The following ASAP1 variants were observed in gnomAD, a reference collection of about 807,000 sequenced individuals.
The protein encoded by ASAP1 is ArfGAP with SH3 domain, ankyrin repeat and PH domain 1.
In ASAP1, 43 loss-of-function variants were observed where a neutral mutation model predicts 145.2. The ratio of observed to expected loss-of-function variants is 0.30; its 90% CI spans 0.23 to 0.38. The LOEUF (loss-of-function observed/expected upper bound fraction) is 0.38. ASAP1 is among the 10% of genes least tolerant of loss of function. The pLI is 1.00. For synonymous variants in ASAP1, 546 were observed against 515.5 expected, an observed-to-expected ratio of 1.06 and a Z score of -0.80; for missense variants, 1,018 against 1,355.3, an observed-to-expected ratio of 0.75 and a Z score of 3.91.
intron 7 of ASAP1, among the ~76,000 whole-genome samples, chr8:130,186,156 C>T (rs1161297050): frequency 6.6e-6 from 1 of 152,112 alleles, no homozygotes; most frequent in Non-Finnish European, 1.5e-5. Context: ...ACTCATGACC[C>T]ACTTTTCATA....
chr8:130,152,883 A>G (rs2097649539), intron 12 of ASAP1, 78 bp from the exon 13 acceptor site: 3 of 1,101,892 alleles, frequency 2.7e-6, no homozygotes, highest in Admixed American at 5.0e-5. Context: ...ATGATACATA[A>G]TAATAATTAC....
chr8:130,302,425 C>T (rs537645354), intron 3 of ASAP1, among the ~76,000 whole-genome samples: 2 of 152,218 alleles, frequency 1.3e-5, no homozygotes, highest in South Asian at 2.1e-4. Flanking sequence ...GAGAGAAATG[C>T]TAAAAATGAA....
At chr8:130,116,194 G>C (rs2097555561) in intron 22 of ASAP1, among the ~76,000 whole-genome samples, 2 of 152,206 alleles carry the variant, frequency 1.3e-5, no homozygotes, top group African/African-American at 4.8e-5. Context: ...AGAAACTCAA[G>C]AGAATCACAC....
In ASAP1 at chr8:130,072,831, G is replaced by GT. The variant is rs58907739; in HGVS notation, c.2701+3516_2701+3517insA. Among the ~76,000 whole-genome samples the GT allele has an allele frequency of 7.4e-4, 82 of 110,482 alleles. 1 individual carries two copies. Among genetic ancestry groups the GT allele is most frequent in the Middle Eastern group, 8.8e-3 (2 of 228 alleles). The allele number at this position is 110,482 out of a possible 152,430, so 72.5% of individuals were successfully genotyped here. ...TGTGTGTGTGTGTGTGTGTGCGCGCGGGGGGGGGCAGTTTTGGGGACTGAG... is the reference window on the plus strand; with the variant it reads ...TGTGTGTGTGTGTGTGTGTGCGCGCGTGGGGGGGGCAGTTTTGGGGACTGAG... On this transcript the variant is annotated intron_variant, in intron 27 of 29. Transcript: ENST00000518721.
chr8:130,290,695 C>T (rs1376400723), intron 3 of ASAP1, among the ~76,000 whole-genome samples: 2 of 152,220 alleles, frequency 1.3e-5, no homozygotes, highest in African/African-American at 4.8e-5. Flanking sequence ...AATTGCAAAT[C>T]ACTTGCTGAA....
At chr8:130,405,254 G>C (rs117161072) in intron 1 of ASAP1, among the ~76,000 whole-genome samples, 2 of 149,798 alleles carry the variant, frequency 1.3e-5, no homozygotes, top group African/African-American at 5.0e-5. Flanking sequence ...CTGCAAGGGA[G>C]ACACTGGGCC....
chr8:130,136,694 G>A (rs1408573499), intron 14 of ASAP1, among the ~76,000 whole-genome samples: 1 of 152,038 alleles, frequency 6.6e-6, no homozygotes, highest in Non-Finnish European at 1.5e-5. Flanking sequence ...GTCAAGCATT[G>A]GTTTAGTTCA....
intron 3 of ASAP1, among the ~76,000 whole-genome samples, chr8:130,265,664 C>A (rs183647897): frequency 1.3e-4 from 19 of 151,948 alleles, no homozygotes; most frequent in Non-Finnish European, 2.5e-4. Context: ...TGCTAGAGCC[C>A]AGGAGTTCAA....
intron 5 of ASAP1, chr8:130,195,478 G>T (rs1586569405): frequency 6.6e-6 from 1 of 151,610 alleles, no homozygotes; most frequent in African/African-American, 2.4e-5. Flanking sequence ...CAAGATTACA[G>T]TGAGCTATGA....
At chr8:130,410,481 A>C (rs34003529) in intron 1 of ASAP1, among the ~76,000 whole-genome samples, 51,467 of 152,076 alleles carry the variant, frequency 0.34, 9,734 homozygotes, top group African/African-American at 0.51. Flanking sequence ...ACGCAATCCA[A>C]TCCTCATGCC....
At chr8:130,437,551 C>T (rs376050808) in intron 1 of ASAP1, among the ~76,000 whole-genome samples, 2 of 152,302 alleles carry the variant, frequency 1.3e-5, no homozygotes, top group South Asian at 4.1e-4. Flanking sequence ...CAGGAGAGAA[C>T]AACTATAATG....
rs1020701662 is a variant in ASAP1, at chr8:130,167,621, A to G, written c.824T>C (p.Ile275Thr). ...IEKLAADLYNIKQTQDEEKKQ... is the reference protein window; with the variant it reads ...IEKLAADLYNTKQTQDEEKKQ... ...CTTTTCTTCATCCTGGGTCTGTTTT[A>G]TCTATGAAAAAAAAATTACTTCTAT... is the stretch of plus-strand genomic sequence containing the variant. The change falls in exon 11 of 30, where the codon ATA becomes ACA. Residue 275 changes from isoleucine (I) to threonine (T), a missense_variant and splice_region_variant. Ile to Thr is a moderately conservative substitution (Grantham distance 89). Transcript: ENST00000518721. 2 of 1,604,134 alleles carry G rather than the reference A, an allele frequency of 1.2e-6. No individual in the cohort carries two copies. Among genetic ancestry groups the G allele is most frequent in the Non-Finnish European group, 1.7e-6 (2 of 1,173,358 alleles).
intron 2 of ASAP1, among the ~76,000 whole-genome samples, chr8:130,364,213 G>C (rs1200564456): frequency 6.6e-6 from 1 of 152,188 alleles, no homozygotes; most frequent in African/African-American, 2.4e-5. Flanking sequence ...TCCTCTGATG[G>C]AAGTAGGAAG....
intron 1 of ASAP1, among the ~76,000 whole-genome samples, chr8:130,432,837 A>C (rs1427334038): frequency 6.6e-6 from 1 of 152,200 alleles, no homozygotes; most frequent in Non-Finnish European, 1.5e-5. Flanking sequence ...TCAGTTGCCC[A>C]CACCTAACCC....
intron 1 of ASAP1, among the ~76,000 whole-genome samples, chr8:130,406,623 A>T (rs1051474536): frequency 6.6e-6 from 1 of 152,104 alleles, no homozygotes; most frequent in South Asian, 2.1e-4. Context: ...CTGGGATTAC[A>T]GGCATGTGCC....
At chr8:130,077,961 A>G (rs1227157962) in intron 26 of ASAP1, among the ~76,000 whole-genome samples, 3 of 151,690 alleles carry the variant, frequency 2.0e-5, no homozygotes, top group Non-Finnish European at 4.4e-5. Flanking sequence ...CAAAGGCTCT[A>G]GTTCACAATC....
chr8:130,090,781 A>G (rs550533376), intron 25 of ASAP1, among the ~76,000 whole-genome samples: 20 of 152,342 alleles, frequency 1.3e-4, no homozygotes, highest in African/African-American at 4.6e-4. Context: ...GAACGGCTAA[A>G]TGCACACACA....
rs548512902 is a variant in ASAP1 at position 130,276,728 on chromosome 8, A to ACACACACTCTCTCTCTCTCTCT, written c.187-39735_187-39734insAGAGAGAGAGAGAGAGTGTGTG. On this transcript the variant is annotated intron_variant, in intron 3 of 29. Coordinates refer to ENST00000518721, the MANE Select transcript of ASAP1 (RefSeq NM_018482.4). Reference sequence around the variant, plus strand: ...CACACACACACACACACACACACACACTCTCTCTCTCTCTCTCTCTCTCTC... The same window carrying ACACACACTCTCTCTCTCTCTCT: ...CACACACACACACACACACACACACACACACACTCTCTCTCTCTCTCTCTCTCTCTCTCTCTCTCTCTCTCTC... Among the ~76,000 whole-genome samples the ACACACACTCTCTCTCTCTCTCT allele has an allele frequency of 6.1e-4, 53 of 87,308 alleles. 2 individuals are homozygous for ACACACACTCTCTCTCTCTCTCT. The highest frequency in any genetic ancestry group is 9.5e-4 in the Non-Finnish European group (43 of 45,410). 57.3% of individuals were successfully genotyped at this position (87,308 alleles called of 152,430 possible). A position where few individuals can be genotyped will look rare whatever the true frequency, so the allele number is the denominator to read the frequency against.
intron 13 of ASAP1, among the ~76,000 whole-genome samples, chr8:130,142,502 T>C (rs2097614328): frequency 6.6e-6 from 1 of 152,226 alleles, no homozygotes; most frequent in Admixed American, 6.5e-5. Context: ...CTCTACCACA[T>C]TCCAAGCACA....
Sources: gnomAD v4.1 joint callset for allele counts (sites outside exome capture counted in the v4.1 genomes callset) on GRCh38, gnomAD v4.1.1 for gene constraint, MANE v1.5 for transcripts, NCBI Gene and HGNC (gene_info 2026-07-23, HGNC 2026-07-21) for gene names.